The following GRIP2 variants were observed in gnomAD, a reference collection of about 807,000 sequenced individuals.
GRIP2 encodes glutamate receptor-interacting protein 2.
GRIP2 carries 58 observed loss-of-function variants against 108.3 expected under a neutral mutation model. That is an observed-to-expected ratio of 0.54 (90% CI 0.43 to 0.67). The LOEUF (loss-of-function observed/expected upper bound fraction) is 0.67, where lower values mean the gene tolerates loss of function less well. Among genes scored for constraint, GRIP2 ranks in the 30% least tolerant of loss-of-function variants. The probability of loss-of-function intolerance (pLI) is 0.00; values close to 1 mark genes in which losing one functional copy is unlikely to be tolerated. For missense variants in GRIP2, 1,278 were observed against 1,430.6 expected (o/e 0.89, Z 1.72); for synonymous variants, 586 against 598.2 (o/e 0.98, Z 0.30).
At chr3:14,523,222 A>G (rs1694461858) in intron 5 of GRIP2, 147 bp from the exon 6 acceptor site, 1 of 644,784 alleles carries the variant, frequency 1.6e-6, no homozygotes, top group Non-Finnish European at 2.7e-6. Flanking sequence ...TGAGACACCA[A>G]CAATAAATTC....
intron 21 of GRIP2, among the ~76,000 whole-genome samples, chr3:14,502,582 T>C (rs1392779867): frequency 6.6e-6 from 1 of 151,656 alleles, no homozygotes; most frequent in Non-Finnish European, 1.5e-5. Flanking sequence ...AATGAAACAA[T>C]ATTATTATGA....
chr3:14,538,763 G>A (rs1028710863), intron 1 of GRIP2, among the ~76,000 whole-genome samples: 1 of 152,208 alleles, frequency 6.6e-6, no homozygotes, highest in African/African-American at 2.4e-5. Flanking sequence ...CTTAGGAGCT[G>A]AGCAGATTTG....
At position 14,493,798 on chromosome 3, in the gene GRIP2, T is replaced by C. The variant is rs772103678; in HGVS notation, c.2999A>G (p.Asp1000Gly). The C allele has an allele frequency of 5.4e-5, 87 of 1,613,410 alleles. No homozygotes were observed. Among genetic ancestry groups the C allele is most frequent in the Non-Finnish European group, 7.0e-5 (83 of 1,179,660 alleles). Residue 1000 changes from aspartate (D) to glycine (G), a missense_variant, in exon 24 of 24, where the codon GAC becomes GGC. By Grantham distance (94) the Asp-to-Gly change is moderately conservative. Coordinates refer to ENST00000621039, the MANE Select transcript of GRIP2 (RefSeq NM_001080423.4). ...CAGGAGTGGCACCGCCAGGCAGCAG[T>C]CGAAGTCCCGTGTACGGACGTGGTT... ...QVNHVRTRDF[D>G]CCLAVPLLAE...
the GRIP2 span, chr3:14,573,578 C>T: frequency 6.9e-7 from 1 of 1,439,374 alleles, no homozygotes; most frequent in Non-Finnish European, 9.8e-7. Flanking sequence ...AGTCACAGTA[C>T]TCCCGGGAGG....
In GRIP2 at chr3:14,524,574, G is replaced by A. The variant is rs943311924; in HGVS notation, c.258-36C>T. 4.5e-6 allele frequency: 7 copies of A among 1,545,324 alleles called. No homozygotes were observed. The African/African-American group carries it at 8.2e-5, about 18-fold the overall frequency. On this transcript the variant is annotated intron_variant, in intron 3 of 23. Transcript: ENST00000621039. ...AAGGCCAGGGCACACATGGTAACAG[G>A]TGCTGGCCCATGCAGTCCTGGCATT...
Position 14,521,857 on chromosome 3 carries a change from T to C in GRIP2, c.567-70A>G. On this transcript the variant is annotated intron_variant, in intron 6 of 23. Coordinates refer to ENST00000621039, the MANE Select transcript of GRIP2 (RefSeq NM_001080423.4). The surrounding 1 kb of genome is among the most constrained non-coding windows in gnomAD (Gnocchi z 5.1). The stretch of plus-strand genomic sequence containing the variant: ...GGGCACAGCCTGTCTGGGAGGGCGC[T>C]GGGAAGCGGGACATGGAGGATGAAG... 1 of 1,346,396 alleles carries C rather than the reference T, an allele frequency of 7.4e-7. No homozygotes were observed. The highest frequency in any genetic ancestry group is 9.7e-7 in the Non-Finnish European group (1 of 1,031,656). The allele number at this position is 1,346,396 out of a possible 1,614,324, so 83.4% of individuals were successfully genotyped here. A position where few individuals can be genotyped will look rare whatever the true frequency, so the allele number is the denominator to read the frequency against.
Position 14,552,795 on chromosome 3 carries a change from G to C in GRIP2, c.55+3105C>G, listed in dbSNP as rs1046785101. ...TTCAGTAGTGATGGGGTTTCACCAT[G>C]TTAGGCAGGCTGGTCTTGAACTCCT... is the stretch of plus-strand genomic sequence containing the variant. On this transcript the variant is annotated intron_variant, in intron 1 of 23. Coordinates refer to the GRIP2 transcript ENST00000637182. Among the ~76,000 whole-genome samples, 7 of 152,214 alleles carry C rather than the reference G, an allele frequency of 4.6e-5. No individual in the cohort carries two copies. In the East Asian group the frequency reaches 1.4e-3, roughly 29 times the overall value.
intron 1 of GRIP2, among the ~76,000 whole-genome samples, chr3:14,536,826 CTG>C (rs1295061643): frequency 1.3e-5 from 2 of 152,228 alleles, no homozygotes; most frequent in Non-Finnish European, 2.9e-5. Flanking sequence ...CACAAGAAGA[CTG>C]TGTCTAGCTC....
At chr3:14,547,558 G>A (rs921057357) in intron 1 of GRIP2, among the ~76,000 whole-genome samples, 1 of 152,216 alleles carries the variant, frequency 6.6e-6, no homozygotes, top group Non-Finnish European at 1.5e-5. Context: ...ACTCTCTCCT[G>A]AGGATGCTGC....
the GRIP2 span, among the ~76,000 whole-genome samples, chr3:14,579,074 C>A: frequency 6.6e-6 from 1 of 152,170 alleles, no homozygotes; most frequent in Non-Finnish European, 1.5e-5. Flanking sequence ...CAAATGCCCA[C>A]CAACAAGTGG....
At chr3:14,587,677 C>A in the GRIP2 span, among the ~76,000 whole-genome samples, 1 of 151,534 alleles carries the variant, frequency 6.6e-6, no homozygotes, top group African/African-American at 2.4e-5. Flanking sequence ...AAACCCTTCT[C>A]TTTTCTGGGT....
chr3:14,518,358 G>C (rs1192143189), intron 9 of GRIP2, among the ~76,000 whole-genome samples: 1 of 152,198 alleles, frequency 6.6e-6, no homozygotes, highest in Non-Finnish European at 1.5e-5. Context: ...GGGGCACTAG[G>C]GCCTGGCTAT....
intron 1 of GRIP2, among the ~76,000 whole-genome samples, chr3:14,552,820 T>C (rs906356693): frequency 4.3e-4 from 66 of 152,134 alleles, no homozygotes; most frequent in African/African-American, 1.5e-3. Context: ...CTTGAACTCC[T>C]GGCCTCAAGT....
the GRIP2 span, among the ~76,000 whole-genome samples, chr3:14,568,429 G>A: frequency 6.6e-6 from 1 of 152,186 alleles, no homozygotes; most frequent in Non-Finnish European, 1.5e-5. Flanking sequence ...ACTTTACAGA[G>A]GAGGAACCTG....
At chr3:14,543,462 G>A (rs1695010270), upstream of GRIP2, among the ~76,000 whole-genome samples, 1 of 152,258 alleles carries the variant, frequency 6.6e-6, no homozygotes, top group Non-Finnish European at 1.5e-5. Context: ...CTGACAGTAG[G>A]TGAGAGAAGG....
At chr3:14,571,374 G>A in the GRIP2 span, among the ~76,000 whole-genome samples, 1 of 152,132 alleles carries the variant, frequency 6.6e-6, no homozygotes, top group South Asian at 2.1e-4. Flanking sequence ...CTGTCACTGA[G>A]GCACAGTCTA....
intron 21 of GRIP2, among the ~76,000 whole-genome samples, chr3:14,502,419 A>C (rs1002095812): frequency 6.6e-6 from 1 of 151,874 alleles, no homozygotes; most frequent in Non-Finnish European, 1.5e-5. Flanking sequence ...ACTTGAACCC[A>C]GGAGGTGGAG....
the GRIP2 span, among the ~76,000 whole-genome samples, chr3:14,571,054 C>G: frequency 6.6e-6 from 1 of 152,182 alleles, no homozygotes; most frequent in Non-Finnish European, 1.5e-5. Flanking sequence ...CACATACCCT[C>G]TCCCCACTTG....
chr3:14,525,653 C>A, intron 2 of GRIP2, 81 bp from the exon 3 acceptor site: 2 of 1,554,060 alleles, frequency 1.3e-6, no homozygotes, highest in Non-Finnish European at 1.8e-6. Context: ...GCGAGGCGAG[C>A]ACCTGGTTGG....
Sources: allele counts gnomAD v4.1 joint callset (sites outside exome capture counted in the v4.1 genomes callset), GRCh38; gene constraint gnomAD v4.1.1; non-coding constraint Gnocchi (gnomAD v3.1); transcripts MANE v1.5; gene names NCBI Gene and HGNC (gene_info 2026-07-23, HGNC 2026-07-21).